SDK1: variants seen among roughly 807,000 people sequenced by gnomAD.
SDK1 encodes sidekick cell adhesion molecule 1.
SDK1 carries 157 observed loss-of-function variants against 245.5 expected under a neutral mutation model. That is an observed-to-expected ratio of 0.64 (90% CI 0.56 to 0.73). SDK1 has a LOEUF of 0.73. Ranked by LOEUF, SDK1 falls within the 30% of genes least tolerant of loss-of-function variation. The probability of loss-of-function intolerance (pLI) is 0.00; values close to 1 mark genes in which losing one functional copy is unlikely to be tolerated. For missense variants in SDK1, 3,583 were observed against 3,002.3 expected (o/e 1.19, Z -4.52); for synonymous variants, 1,647 against 1,278.5 (o/e 1.29, Z -6.15).
At chr7:4,161,148 G>C (rs1781093632) in intron 31 of SDK1, among the ~76,000 whole-genome samples, 1 of 152,182 alleles carries the variant, frequency 6.6e-6, no homozygotes, top group Admixed American at 6.5e-5. Flanking sequence ...GGGCACAGAA[G>C]ACCTCTTGGA....
chr7:3,517,086 T>G (rs1429416855), intron 1 of SDK1, among the ~76,000 whole-genome samples: 2 of 152,198 alleles, frequency 1.3e-5, no homozygotes, highest in East Asian at 3.8e-4. Context: ...TATTCATAAA[T>G]GTATGAAAAT....
chr7:4,032,145 C>T (rs1023036863), intron 17 of SDK1, among the ~76,000 whole-genome samples: 6 of 151,802 alleles, frequency 4.0e-5, no homozygotes, highest in East Asian at 1.9e-4. Flanking sequence ...AAGAAAGTTG[C>T]GGATTAGTTT....
At chr7:3,627,557 T>A (rs1782158971) in intron 2 of SDK1, among the ~76,000 whole-genome samples, 1 of 152,188 alleles carries the variant, frequency 6.6e-6, no homozygotes, top group Non-Finnish European at 1.5e-5. Flanking sequence ...CAGTCCCAAG[T>A]GGCCAGCTTG....
Position 4,039,995 on chromosome 7 carries a change from A to G in SDK1, c.2603-9353A>G, listed in dbSNP as rs1478555441. ...AGCGCCCCCACATGCTGAGCATGTTACTGAACCAAACTGGGTTTGTCTGTC... is the reference window on the plus strand; with the variant it reads ...AGCGCCCCCACATGCTGAGCATGTTGCTGAACCAAACTGGGTTTGTCTGTC... On this transcript the variant is annotated intron_variant, in intron 17 of 44. Transcript: ENST00000404826. Among the ~76,000 whole-genome samples the G allele has an allele frequency of 2.6e-5, 4 of 152,352 alleles. No individual in the cohort carries two copies. The East Asian group carries it at 5.8e-4, about 22-fold the overall frequency.
chr7:4,004,820 A>G (rs560650630), intron 14 of SDK1, among the ~76,000 whole-genome samples: 15 of 152,268 alleles, frequency 9.9e-5, no homozygotes, highest in African/African-American at 2.6e-4. Flanking sequence ...ATTTTCCCTA[A>G]GTGTCTAAAA....
intron 3 of SDK1, among the ~76,000 whole-genome samples, chr7:3,640,727 A>G (rs1782621398): frequency 6.6e-6 from 1 of 151,450 alleles, no homozygotes; most frequent in Non-Finnish European, 1.5e-5. Flanking sequence ...TCTGTCACCC[A>G]GGCTGGAGTG....
chr7:3,578,011 G>A (rs557373376), intron 1 of SDK1, among the ~76,000 whole-genome samples: 1 of 152,134 alleles, frequency 6.6e-6, no homozygotes, highest in South Asian at 2.1e-4. Flanking sequence ...CAGTGAGAGA[G>A]GTGGCAATGT....
chr7:3,421,345 G>A (rs564331131), intron 1 of SDK1, among the ~76,000 whole-genome samples: 1 of 151,852 alleles, frequency 6.6e-6, no homozygotes, highest in Admixed American at 6.6e-5. Flanking sequence ...CAAAGTGCTG[G>A]GATTACAGGT....
intron 25 of SDK1, among the ~76,000 whole-genome samples, chr7:4,121,522 C>T (rs969670432): frequency 1.2e-4 from 19 of 152,206 alleles, no homozygotes; most frequent in African/African-American, 4.3e-4. Flanking sequence ...CCTTCCATCA[C>T]GATTGTAATC....
intron 5 of SDK1, among the ~76,000 whole-genome samples, chr7:3,924,169 G>A (rs1161019741): frequency 6.6e-6 from 1 of 151,914 alleles, no homozygotes; most frequent in East Asian, 1.9e-4. Context: ...AGGTGGGGAT[G>A]AGGAGGGTCT....
chr7:3,691,337 A>G (rs932996113), intron 4 of SDK1, among the ~76,000 whole-genome samples: 1 of 152,220 alleles, frequency 6.6e-6, no homozygotes, highest in Non-Finnish European at 1.5e-5. Context: ...CTCGAAGTAC[A>G]AGATAAATCA....
At chr7:4,253,020 A>T (rs1457860556) in intron 44 of SDK1, among the ~76,000 whole-genome samples, 2 of 151,930 alleles carry the variant, frequency 1.3e-5, no homozygotes, top group Non-Finnish European at 1.5e-5. Context: ...TAATAATTTG[A>T]GTCCTCTCTC....
At chr7:3,872,746 T>C (rs1266212463) in intron 5 of SDK1, among the ~76,000 whole-genome samples, 2 of 152,128 alleles carry the variant, frequency 1.3e-5, no homozygotes, top group Non-Finnish European at 2.9e-5. Context: ...ATGCCTTTTT[T>C]CTGAAAACTT....
At chr7:4,030,032 T>C (rs1236588402) in intron 17 of SDK1, among the ~76,000 whole-genome samples, 1 of 152,196 alleles carries the variant, frequency 6.6e-6, no homozygotes, top group African/African-American at 2.4e-5. Flanking sequence ...TTAAACTCTC[T>C]GTGGATGACA....
chr7:4,049,539 C>A, intron 18 of SDK1, 76 bp downstream of exon 18: 1 of 1,098,744 alleles, frequency 9.1e-7, no homozygotes, highest in South Asian at 1.3e-5. Flanking sequence ...TGGAGGCACC[C>A]CCTCTTGTGT....
chr7:4,076,879 C>T (rs1228269279), intron 20 of SDK1, 119 bp from the exon 21 acceptor site: 2 of 850,740 alleles, frequency 2.4e-6, no homozygotes, highest in African/African-American at 1.7e-5. Flanking sequence ...TCTAAGCTGC[C>T]TTCAGCACAT....
intron 1 of SDK1, among the ~76,000 whole-genome samples, chr7:3,331,475 C>T (rs774777773): frequency 6.6e-6 from 1 of 152,034 alleles, no homozygotes; most frequent in Non-Finnish European, 1.5e-5. Context: ...ATCCTTTGCC[C>T]GTTTTTTACA....
At chr7:4,258,595 G>A (rs1193620679) in intron 44 of SDK1, among the ~76,000 whole-genome samples, 1 of 152,200 alleles carries the variant, frequency 6.6e-6, no homozygotes, top group Admixed American at 6.5e-5. Context: ...TGAGAAACCA[G>A]GCTGGTTTTG....
chr7:3,449,202 G>A (rs10264065), intron 1 of SDK1, among the ~76,000 whole-genome samples: 114,506 of 152,056 alleles, frequency 0.75, 43,378 homozygotes, highest in African/African-American at 0.83. Context: ...GGCTAGGGGT[G>A]CCTCAAAGCT....
Sources: allele counts gnomAD v4.1 joint callset (sites outside exome capture counted in the v4.1 genomes callset), GRCh38; gene constraint gnomAD v4.1.1; transcripts MANE v1.5; gene names NCBI Gene and HGNC (gene_info 2026-07-23, HGNC 2026-07-21).